The following CYP4F22 variants were observed in gnomAD, a reference collection of about 807,000 sequenced individuals.
CYP4F22 encodes ultra-long-chain fatty acid omega-hydroxylase.
Under a neutral mutation model 60.4 loss-of-function variants are expected in CYP4F22, and 37 were observed. That is an observed-to-expected ratio of 0.61 (90% CI 0.47 to 0.81). CYP4F22 has a LOEUF of 0.81. Among genes scored for constraint, CYP4F22 ranks in the 30% least tolerant of loss-of-function variants. The pLI is 0.00. For synonymous variants in CYP4F22, 258 were observed against 280.5 expected, an observed-to-expected ratio of 0.92 and a Z score of 0.80; for missense variants, 655 against 715.0, an observed-to-expected ratio of 0.92 and a Z score of 0.96.
Position 15,529,986 on chromosome 19 carries a change from A to G in CYP4F22, c.367+133A>G. The G allele has an allele frequency of 2.3e-6, 3 of 1,303,720 alleles. No homozygotes were observed. In the South Asian group the frequency reaches 3.6e-5, roughly 16 times the overall value. The allele number at this position is 1,303,720 out of a possible 1,614,324, so 80.8% of individuals were successfully genotyped here. ...TTGAAGGATGAATAAGAGTTTGGCA[A>G]AGCAAGCATGGCAATCCAGATTGTG... On this transcript the variant is annotated intron_variant, in intron 4 of 13. Coordinates refer to ENST00000269703, the MANE Select transcript of CYP4F22 (RefSeq NM_173483.4).
intron 1 of CYP4F22, among the ~76,000 whole-genome samples, chr19:15,510,964 A>ATTTTTTT (rs1395915764): frequency 8.8e-6 from 1 of 113,672 alleles, no homozygotes; most frequent in African/African-American, 4.1e-5. Flanking sequence ...ATATATATAT[A>ATTTTTTT]TATTTTTTTT....
intron 7 of CYP4F22, among the ~76,000 whole-genome samples, chr19:15,539,712 A>C (rs1022479860): frequency 1.3e-5 from 2 of 152,198 alleles, no homozygotes; most frequent in African/African-American, 4.8e-5. Context: ...ATACTCACTA[A>C]CACTTGCTTT....
In CYP4F22 at chr19:15,548,474, C is replaced by G. The variant is rs1204718475; in HGVS notation, c.1270+233C>G. On this transcript the variant is annotated intron_variant, in intron 11 of 13. Coordinates refer to ENST00000269703, the MANE Select transcript of CYP4F22 (RefSeq NM_173483.4). ...AGGAGGCAGTGTCGCAGGGATGGGC[C>G]TGTGAGGGTGCAGTTGGGGAGGGTC... 2.6e-5 allele frequency among the ~76,000 whole-genome samples: 4 copies of G among 152,084 alleles called. No homozygotes were observed. In the East Asian group the frequency reaches 7.7e-4, roughly 29 times the overall value.
At chr19:15,544,064 A>T (rs1457792563) in intron 9 of CYP4F22, 27 bp downstream of exon 9, 1 of 1,613,938 alleles carries the variant, frequency 6.2e-7, no homozygotes, top group Non-Finnish European at 8.5e-7. Flanking sequence ...AGGCTGGAGG[A>T]GGGCAGGAAG....
rs1176569698 is a variant in CYP4F22 at position 15,551,854 on chromosome 19, A to C, written c.*383A>C. ...GCCTTGCCCACTGAGCCTTCAGAGG[A>C]CCTAAGACCCACCTATGACTCAGGG... On this transcript the variant is annotated 3_prime_UTR_variant, in exon 14 of 14. Coordinates refer to ENST00000269703, the MANE Select transcript of CYP4F22 (RefSeq NM_173483.4). 1 of 276,866 alleles carries C rather than the reference A, an allele frequency of 3.6e-6. No individual in the cohort carries two copies. 17.2% of individuals were successfully genotyped at this position (276,866 alleles called of 1,614,324 possible). A position where few individuals can be genotyped will look rare whatever the true frequency, so the allele number is the denominator to read the frequency against.
chr19:15,513,349 G>GTATATATATATA (rs201094997), intron 1 of CYP4F22, among the ~76,000 whole-genome samples: 1 of 75,236 alleles, frequency 1.3e-5, no homozygotes, highest in Non-Finnish European at 2.5e-5. Context: ...CTAATTTTTT[G>GTATATATATATA]TATATATATA....
chr19:15,513,341 A>G (rs1971114143), intron 1 of CYP4F22, among the ~76,000 whole-genome samples: 1 of 129,878 alleles, frequency 7.7e-6, no homozygotes, highest in Admixed American at 8.1e-5. Flanking sequence ...ACGCCCTGCT[A>G]ATTTTTTGTA....
intron 12 of CYP4F22, among the ~76,000 whole-genome samples, 199 bp from the exon 13 acceptor site, chr19:15,550,475 G>A (rs1971582142): frequency 6.6e-6 from 1 of 152,202 alleles, no homozygotes; most frequent in Non-Finnish European, 1.5e-5. Context: ...AAGGCCCTGA[G>A]GTGGAATCTC....
intron 1 of CYP4F22, among the ~76,000 whole-genome samples, chr19:15,509,388 C>T (rs887967759): frequency 6.6e-6 from 1 of 152,250 alleles, no homozygotes; most frequent in Admixed American, 6.5e-5. Flanking sequence ...TGAGTCTCAC[C>T]GCCCTGTAGG....
At position 15,552,187 on chromosome 19, in the gene CYP4F22, CT is replaced by C. The variant is rs1388763925; in HGVS notation, c.*717del. 6.6e-6 allele frequency: 1 copy of C among 152,288 alleles called. No homozygotes were observed. The highest frequency in any genetic ancestry group is 3.2e-3 in the Middle Eastern group (1 of 316). The allele number at this position is 152,288 out of a possible 1,614,324, so 9.4% of individuals were successfully genotyped here. ...TGCAGACTTACCCCACCCTCCACCC[CT>C]AGCTCAGCCAGATCCTTACACGTGG... On this transcript the variant is annotated 3_prime_UTR_variant, in exon 14 of 14. Transcript: ENST00000269703.
At chr19:15,520,216 G>A (rs1971205649) in intron 1 of CYP4F22, among the ~76,000 whole-genome samples, 1 of 151,676 alleles carries the variant, frequency 6.6e-6, no homozygotes, top group Non-Finnish European at 1.5e-5. Flanking sequence ...CGTGGTGGTG[G>A]GCGCCTATAG....
intron 4 of CYP4F22, among the ~76,000 whole-genome samples, chr19:15,532,366 CCTT>C (rs1345510256): frequency 2.0e-5 from 3 of 150,226 alleles, no homozygotes; most frequent in African/African-American, 4.9e-5. Context: ...TCCTCCTCCA[CCTT>C]CTTCTTTTTC....
chr19:15,549,639 G>T (rs1971571885), intron 12 of CYP4F22, among the ~76,000 whole-genome samples: 1 of 152,010 alleles, frequency 6.6e-6, no homozygotes, highest in Non-Finnish European at 1.5e-5. Context: ...ACCAGCCTGG[G>T]CAACACAGCG....
At chr19:15,533,322 T>C (rs969900209) in intron 4 of CYP4F22, among the ~76,000 whole-genome samples, 2 of 152,118 alleles carry the variant, frequency 1.3e-5, no homozygotes, top group Non-Finnish European at 2.9e-5. Context: ...GTATTCACCA[T>C]GTTGGGCAAC....
At chr19:15,537,072 GT>G (rs1568360050) in intron 4 of CYP4F22, among the ~76,000 whole-genome samples, 2 of 152,028 alleles carry the variant, frequency 1.3e-5, no homozygotes, top group Non-Finnish European at 2.9e-5. Context: ...GCTGAGGTGG[GT>G]GGATCACTTG....
intron 1 of CYP4F22, among the ~76,000 whole-genome samples, chr19:15,522,322 C>A (rs1197703157): frequency 6.6e-6 from 1 of 152,048 alleles, no homozygotes; most frequent in Admixed American, 6.6e-5. Context: ...CAATTGGGAT[C>A]TCCAAATCTG....
chr19:15,540,766 C>A (rs776613630), intron 8 of CYP4F22, 49 bp downstream of exon 8: 4 of 358,858 alleles, frequency 1.1e-5, no homozygotes, highest in South Asian at 6.9e-5. Context: ...GCTGGCCTCC[C>A]GAGGAATTGC....
intron 3 of CYP4F22, among the ~76,000 whole-genome samples, chr19:15,526,394 A>G (rs555174935): frequency 2.0e-4 from 31 of 152,162 alleles, no homozygotes; most frequent in African/African-American, 5.8e-4. Context: ...GGGTCTCGCT[A>G]TGTTGCCTAG....
chr19:15,533,053 T>C (rs559641339), intron 4 of CYP4F22, among the ~76,000 whole-genome samples: 17 of 152,186 alleles, frequency 1.1e-4, no homozygotes, highest in Non-Finnish European at 2.2e-4. Flanking sequence ...GGCTTGCTGT[T>C]CTGAGCTTGG....
Sources: allele counts gnomAD v4.1 joint callset (sites outside exome capture counted in the v4.1 genomes callset), GRCh38; gene constraint gnomAD v4.1.1; transcripts MANE v1.5; gene names NCBI Gene and HGNC (gene_info 2026-07-23, HGNC 2026-07-21).